NRG3: variants seen among roughly 807,000 people sequenced by gnomAD.
The protein encoded by NRG3 is neuregulin 3, also known as pro-neuregulin-3, membrane-bound isoform.
In NRG3, 31 loss-of-function variants were observed where a neutral mutation model predicts 66.9. That is an observed-to-expected ratio of 0.46 (90% CI 0.35 to 0.63). NRG3 has a LOEUF of 0.63. Ranked by LOEUF, NRG3 falls within the 20% of genes least tolerant of loss-of-function variation. The pLI is 0.00. For missense variants in NRG3, 910 were observed against 878.9 expected (o/e 1.04, Z -0.45); for synonymous variants, 393 against 359.4 (o/e 1.09, Z -1.06).
chr10:82,974,181 G>A (rs771124589), intron 7 of NRG3, among the ~76,000 whole-genome samples: 15 of 151,918 alleles, frequency 9.9e-5, no homozygotes, highest in Non-Finnish European at 2.1e-4. Flanking sequence ...AAAAAAAAAT[G>A]CATTCTGAAA....
At chr10:82,482,106 T>C (rs559558922) in intron 2 of NRG3, among the ~76,000 whole-genome samples, 7 of 151,824 alleles carry the variant, frequency 4.6e-5, no homozygotes, top group East Asian at 1.9e-4. Flanking sequence ...CATATACAAA[T>C]AGGAAATATT....
intron 2 of NRG3, among the ~76,000 whole-genome samples, chr10:82,562,822 AGTGG>A (rs1016191997): frequency 1.1e-4 from 16 of 141,564 alleles, no homozygotes; most frequent in Admixed American, 9.8e-4. Flanking sequence ...AGGGACACAG[AGTGG>A]GTGGGGAGGG....
At position 82,836,710 on chromosome 10, in the gene NRG3, T is replaced by G. The variant is rs528787637; in HGVS notation, c.1028-28701T>G. Reference sequence around the variant, plus strand: ...GTGCCATTTTCTTTTTTTATTTTATTTTATTTTTTTATTTTTATTTTTTCT... The same window carrying G: ...GTGCCATTTTCTTTTTTTATTTTATGTTATTTTTTTATTTTTATTTTTTCT... On this transcript the variant is annotated intron_variant, in intron 3 of 8. Coordinates refer to ENST00000372141, the MANE Select transcript of NRG3 (RefSeq NM_001010848.4). Among the ~76,000 whole-genome samples the G allele has an allele frequency of 7.9e-5, 12 of 151,802 alleles. No homozygotes were observed. In the East Asian group the frequency reaches 1.7e-3, roughly 22 times the overall value.
At chr10:82,503,552 T>G (rs1844396402) in intron 2 of NRG3, among the ~76,000 whole-genome samples, 1 of 152,172 alleles carries the variant, frequency 6.6e-6, no homozygotes, top group Non-Finnish European at 1.5e-5. Flanking sequence ...ACTAGGCAAA[T>G]TGTGGGCACT....
chr10:81,912,612 G>C (rs765896312), intron 1 of NRG3, among the ~76,000 whole-genome samples: 11 of 152,186 alleles, frequency 7.2e-5, no homozygotes, highest in Non-Finnish European at 1.6e-4. Context: ...TGTTATAAGA[G>C]AGAATATCCC....
intron 3 of NRG3, among the ~76,000 whole-genome samples, chr10:82,745,528 A>G (rs1391593444): frequency 6.6e-6 from 1 of 152,102 alleles, no homozygotes; most frequent in Non-Finnish European, 1.5e-5. Context: ...TATATGTAAA[A>G]TCTGTCACTC....
At chr10:82,335,326 T>A (rs561758429) in intron 1 of NRG3, among the ~76,000 whole-genome samples, 22 of 152,298 alleles carry the variant, frequency 1.4e-4, no homozygotes, top group African/African-American at 5.1e-4. Flanking sequence ...GAGTCCTTTA[T>A]TTTGGGGGAT....
At chr10:82,781,887 C>CA (rs757703048) in intron 3 of NRG3, among the ~76,000 whole-genome samples, 3,978 of 148,128 alleles carry the variant, frequency 0.027, 88 homozygotes, top group South Asian at 0.041. Context: ...CCATCAGGAC[C>CA]AAAAAAAAAA....
At chr10:82,367,920 A>G (rs2135709089) in intron 2 of NRG3, among the ~76,000 whole-genome samples, 1 of 152,278 alleles carries the variant, frequency 6.6e-6, no homozygotes, top group East Asian at 1.9e-4. Flanking sequence ...ACTTGAACCT[A>G]GAAGGTGGAA....
intron 4 of NRG3, among the ~76,000 whole-genome samples, chr10:82,938,824 C>T (rs1211188480): frequency 2.0e-5 from 3 of 152,188 alleles, no homozygotes; most frequent in Non-Finnish European, 2.9e-5. Flanking sequence ...TGTTATTGTT[C>T]CAAGTCACAT....
chr10:82,482,310 A>C (rs928296440), intron 2 of NRG3, among the ~76,000 whole-genome samples: 9 of 152,196 alleles, frequency 5.9e-5, no homozygotes, highest in Admixed American at 5.9e-4. Flanking sequence ...TAGCCTTGTC[A>C]TCCTGGAACA....
chr10:82,460,231 C>T (rs2091450575), intron 2 of NRG3, among the ~76,000 whole-genome samples: 1 of 152,164 alleles, frequency 6.6e-6, no homozygotes, highest in African/African-American at 2.4e-5. Flanking sequence ...GGAAACATGT[C>T]CACAGTAGAG....
At chr10:82,559,418 G>A (rs1369595599) in intron 2 of NRG3, among the ~76,000 whole-genome samples, 1 of 152,166 alleles carries the variant, frequency 6.6e-6, no homozygotes, top group Non-Finnish European at 1.5e-5. Flanking sequence ...AGCCGAGGGG[G>A]ATTCATTGAA....
intron 4 of NRG3, among the ~76,000 whole-genome samples, chr10:82,918,288 G>T (rs1337238896): frequency 6.6e-6 from 1 of 151,978 alleles, no homozygotes; most frequent in African/African-American, 2.4e-5. Context: ...AGAGAGAAAA[G>T]ACTGCATTCA....
At chr10:81,912,842 G>A (rs1845301566) in intron 1 of NRG3, among the ~76,000 whole-genome samples, 1 of 152,180 alleles carries the variant, frequency 6.6e-6, no homozygotes, top group Admixed American at 6.5e-5. Flanking sequence ...CAAGATAGAA[G>A]GTGGGCAGGG....
intron 2 of NRG3, among the ~76,000 whole-genome samples, chr10:82,501,195 G>C (rs1844148018): frequency 6.6e-6 from 1 of 152,104 alleles, no homozygotes; most frequent in African/African-American, 2.4e-5. Flanking sequence ...GAACAGATGG[G>C]AATGGGTGGA....
At chr10:82,714,324 G>T (rs982865645) in intron 2 of NRG3, among the ~76,000 whole-genome samples, 5 of 152,254 alleles carry the variant, frequency 3.3e-5, no homozygotes, top group Admixed American at 1.3e-4. Context: ...GTGGATGGAT[G>T]CTCCCTCAAC....
chr10:81,913,081 G>A (rs1453189474), intron 1 of NRG3, among the ~76,000 whole-genome samples: 1 of 108,150 alleles, frequency 9.2e-6, no homozygotes, highest in Non-Finnish European at 1.6e-5. Context: ...AGGGACCATT[G>A]GGGAAAAAAA....
chr10:82,401,335 TG>T (rs1450606182), intron 2 of NRG3, among the ~76,000 whole-genome samples: 2 of 152,084 alleles, frequency 1.3e-5, no homozygotes, highest in African/African-American at 4.8e-5. Context: ...ATATAATGTA[TG>T]TATATAAATT....
Sources: gnomAD v4.1 joint callset for allele counts (sites outside exome capture counted in the v4.1 genomes callset) on GRCh38, gnomAD v4.1.1 for gene constraint, MANE v1.5 for transcripts, NCBI Gene and HGNC (gene_info 2026-07-23, HGNC 2026-07-21) for gene names.